PLCG2: variants seen among roughly 807,000 people sequenced by gnomAD.
PLCG2 encodes 1-phosphatidylinositol 4,5-bisphosphate phosphodiesterase gamma-2.
PLCG2 carries 69 observed loss-of-function variants against 175.6 expected under a neutral mutation model. The observed-to-expected ratio is 0.39, with a 90% confidence interval of 0.32 to 0.48. PLCG2 has a LOEUF of 0.48. PLCG2 is among the 20% of genes least tolerant of loss of function. PLCG2 has a pLI of 0.91. For synonymous variants in PLCG2, 827 were observed against 624.0 expected (o/e 1.33, Z -4.85); for missense variants, 1,798 against 1,650.9 (o/e 1.09, Z -1.54).
rs147737401 is a variant in PLCG2, at chr16:81,761,093, C to T, written c.-48+5127C>T. ...TGTATTTTTTGTAGTAACAAGGTTT[C>T]ACTATGTTGCCCAGGCTGGTCTCAA... On this transcript the variant is annotated intron_variant, in intron 2 of 5. Coordinates refer to the PLCG2 transcript ENST00000565054. Among the ~76,000 whole-genome samples, 566 of 152,284 alleles carry T rather than the reference C, an allele frequency of 3.7e-3. 1 individual carries two copies. Among genetic ancestry groups the T allele is most frequent in the Middle Eastern group, 0.01 (3 of 294 alleles).
intron 2 of PLCG2, among the ~76,000 whole-genome samples, chr16:81,819,671 G>A (rs1001130183): frequency 4.6e-5 from 7 of 152,116 alleles, no homozygotes; most frequent in African/African-American, 7.2e-5. Flanking sequence ...TGCAACCTCC[G>A]CCTTCTGGTT....
chr16:81,920,049 C>T (rs28530725), intron 20 of PLCG2, among the ~76,000 whole-genome samples: 7,221 of 152,130 alleles, frequency 0.047, 416 homozygotes, highest in African/African-American at 0.14. Flanking sequence ...GGATAGCATG[C>T]GCAAAGGTCC....
At chr16:81,899,021 T>G (rs566606300) in intron 13 of PLCG2, among the ~76,000 whole-genome samples, 1 of 152,040 alleles carries the variant, frequency 6.6e-6, no homozygotes, top group Admixed American at 6.5e-5. Flanking sequence ...AACCCTATCT[T>G]TAGTAAAAAT....
chr16:81,877,355 C>T lies in PLCG2; in HGVS notation c.649-3555C>T, dbSNP rs923174972. ...CCTGTAGTCCCAGCTACTTGGGAGG[C>T]TGAGGCAGGAGAATGGCGTGAACCT... is the stretch of plus-strand genomic sequence containing the variant. On this transcript the variant is annotated intron_variant, in intron 7 of 32. Transcript: ENST00000564138. 2.0e-5 allele frequency among the ~76,000 whole-genome samples: 3 copies of T among 152,166 alleles called. No homozygotes were observed. The East Asian group carries it at 5.8e-4, about 29-fold the overall frequency.
At chr16:81,787,361 A>G (rs906678212) in intron 2 of PLCG2, among the ~76,000 whole-genome samples, 11 of 147,204 alleles carry the variant, frequency 7.5e-5, no homozygotes, top group Non-Finnish European at 1.3e-4. Flanking sequence ...AGCTGGGACC[A>G]TGGGAATGCA....
At chr16:81,781,408 T>A in intron 1 of PLCG2, among the ~76,000 whole-genome samples, 1 of 54,394 alleles carries the variant, frequency 1.8e-5, no homozygotes, top group East Asian at 7.2e-4. Flanking sequence ...GAGCAGTTGT[T>A]TTCTGTTTTT....
chr16:81,844,587 G>A (rs546949364), intron 2 of PLCG2, among the ~76,000 whole-genome samples: 5 of 152,308 alleles, frequency 3.3e-5, no homozygotes, highest in African/African-American at 9.6e-5. Flanking sequence ...CTCCCAAATC[G>A]CTGGGATTAC....
chr16:81,891,261 T>C (rs1437579464), intron 10 of PLCG2, among the ~76,000 whole-genome samples: 1 of 152,134 alleles, frequency 6.6e-6, no homozygotes, highest in East Asian at 1.9e-4. Context: ...AAGGAAAATA[T>C]TGTCTAGGTC....
At chr16:81,869,719 G>T (rs1907421667) in intron 6 of PLCG2, among the ~76,000 whole-genome samples, 1 of 152,202 alleles carries the variant, frequency 6.6e-6, no homozygotes, top group Non-Finnish European at 1.5e-5. Flanking sequence ...GTAGCTGTCA[G>T]AGTTGGCTCT....
At chr16:81,835,839 G>A (rs1230200711) in intron 2 of PLCG2, among the ~76,000 whole-genome samples, 1 of 152,076 alleles carries the variant, frequency 6.6e-6, no homozygotes, top group Non-Finnish European at 1.5e-5. Context: ...GGTAGCTGCT[G>A]GTGACCCTGG....
chr16:81,758,291 C>T (rs1909971079), intron 2 of PLCG2, among the ~76,000 whole-genome samples: 1 of 152,122 alleles, frequency 6.6e-6, no homozygotes, highest in Admixed American at 6.6e-5. Context: ...CTTAGCATTG[C>T]ATTTTCAACG....
chr16:81,950,724 A>G (rs1911332990), intron 31 of PLCG2, among the ~76,000 whole-genome samples: 1 of 152,238 alleles, frequency 6.6e-6, no homozygotes, highest in Non-Finnish European at 1.5e-5. Flanking sequence ...TCACAATTTG[A>G]AGATAATAAT....
At chr16:81,880,294 G>A (rs1387214671) in intron 7 of PLCG2, among the ~76,000 whole-genome samples, 1 of 152,196 alleles carries the variant, frequency 6.6e-6, no homozygotes, top group Admixed American at 6.5e-5. Flanking sequence ...CAGTGGAGGT[G>A]CCTATCTCAA....
At chr16:81,792,634 G>A (rs892892107) in intron 2 of PLCG2, among the ~76,000 whole-genome samples, 1 of 152,148 alleles carries the variant, frequency 6.6e-6, no homozygotes, top group Non-Finnish European at 1.5e-5. Flanking sequence ...AATCATGGTG[G>A]AAGGAGAAGC....
chr16:81,893,614 C>CGG (rs1171381373), intron 11 of PLCG2, 95 bp from the exon 12 acceptor site: 14 of 752,982 alleles, frequency 1.9e-5, no homozygotes, highest in Non-Finnish European at 3.0e-5. Flanking sequence ...GCGGCTCGGG[C>CGG]GGAGAAGTTC....
intron 1 of PLCG2, among the ~76,000 whole-genome samples, chr16:81,739,903 C>G (rs1459153433): frequency 6.6e-6 from 1 of 152,090 alleles, no homozygotes; most frequent in Non-Finnish European, 1.5e-5. Context: ...TTTGGGAGGC[C>G]AAGGCAGGTG....
chr16:81,765,140 C>A (rs1910120154), intron 2 of PLCG2, among the ~76,000 whole-genome samples: 1 of 152,198 alleles, frequency 6.6e-6, no homozygotes, highest in Non-Finnish European at 1.5e-5. Flanking sequence ...AGAAGAGGGA[C>A]ATTTGGACAC....
rs1363134718 is a variant in PLCG2, at chr16:81,750,778, C to T, written c.-144-5092C>T. On this transcript the variant is annotated intron_variant, in intron 1 of 5. Coordinates refer to the PLCG2 transcript ENST00000565054. ...CGCCTCCCGGGTTCATGCCATTCTC[C>T]TGCCTCAGCCTCCCGAGTACTTGGG... Among the ~76,000 whole-genome samples the T allele has an allele frequency of 5.5e-5, 8 of 145,234 alleles. No homozygotes were observed. In the Admixed American group the frequency reaches 5.8e-4, roughly 11 times the overall value.
intron 2 of PLCG2, chr16:81,766,759 A>C (rs1567697003): frequency 6.6e-6 from 1 of 152,216 alleles, no homozygotes; most frequent in Non-Finnish European, 1.5e-5. Context: ...GCAAGTGTTC[A>C]GTATTGTTCA....
Sources: allele counts gnomAD v4.1 joint callset (sites outside exome capture counted in the v4.1 genomes callset), GRCh38; gene constraint gnomAD v4.1.1; transcripts MANE v1.5; gene names NCBI Gene and HGNC (gene_info 2026-07-23, HGNC 2026-07-21).